REV1: variants seen among roughly 807,000 people sequenced by gnomAD.
The protein encoded by REV1 is translesion synthesis protein REV1.
A neutral mutation model predicts 137.4 loss-of-function variants in REV1; 42 were observed. That is an observed-to-expected ratio of 0.31 (90% confidence interval 0.24 to 0.40). The LOEUF is 0.40. Among genes scored for constraint, REV1 ranks in the 10% least tolerant of loss-of-function variants. The pLI is 1.00. For missense variants in REV1, 1,282 were observed against 1,490.1 expected (o/e 0.86, Z 2.30); for synonymous variants, 524 against 519.2 (o/e 1.01, Z -0.12).
At chr2:99,466,859 T>C (rs979513217) in intron 1 of REV1, among the ~76,000 whole-genome samples, 30 of 152,296 alleles carry the variant, frequency 2.0e-4, no homozygotes, top group Middle Eastern at 3.4e-3. Flanking sequence ...AAGTACCACA[T>C]GCTCTGTTAA....
At chr2:99,403,285 C>T in intron 19 of REV1, 179 bp from the exon 20 acceptor site, 1 of 608,118 alleles carries the variant, frequency 1.6e-6, no homozygotes, top group Middle Eastern at 4.4e-4. Context: ...CTCCAATTCT[C>T]TCTTTGCTTT....
chr2:99,485,193 C>T lies in REV1; in HGVS notation c.-11+4624G>A, dbSNP rs567791212. 8.5e-5 allele frequency among the ~76,000 whole-genome samples: 13 copies of T among 152,258 alleles called. 1 individual carries two copies. The South Asian group carries it at 2.7e-3, about 32-fold the overall frequency. On this transcript the variant is annotated intron_variant, in intron 1 of 22. Transcript: ENST00000258428. ...TGAATTTAAAATAACTGGTATTATG[C>T]AAGTTCAATTACCACAGGCAGAATC...
chr2:99,472,520 A>G lies in REV1; in HGVS notation c.-10-7535T>C, dbSNP rs562130798. ...AACAGTTAAAATGGTAAACTTTTATATGTATCGTACCACAATTAAGAAGAA... is the reference window on the plus strand; with the variant it reads ...AACAGTTAAAATGGTAAACTTTTATGTGTATCGTACCACAATTAAGAAGAA... On this transcript the variant is annotated intron_variant, in intron 1 of 22. Transcript: ENST00000258428. Among the ~76,000 whole-genome samples the G allele has an allele frequency of 5.3e-5, 8 of 152,334 alleles. No individual in the cohort carries two copies. In the East Asian group the frequency reaches 1.5e-3, roughly 29 times the overall value.
intron 9 of REV1, among the ~76,000 whole-genome samples, chr2:99,428,914 C>A (rs1323086201): frequency 6.6e-6 from 1 of 151,298 alleles, no homozygotes; most frequent in East Asian, 1.9e-4. Context: ...ATGGCATGAA[C>A]CTGGGAGGTG....
At chr2:99,451,242 A>T (rs1682889525) in intron 3 of REV1, 1 of 637,834 alleles carries the variant, frequency 1.6e-6, no homozygotes, top group Non-Finnish European at 2.1e-6. Context: ...TCCTAAACTA[A>T]TTCTATTTAA....
At chr2:99,445,059 T>C (rs1033164304) in intron 4 of REV1, among the ~76,000 whole-genome samples, 2 of 151,958 alleles carry the variant, frequency 1.3e-5, no homozygotes, top group African/African-American at 4.8e-5. Context: ...AACATAGTCA[T>C]AGCAAGTGAA....
At chr2:99,414,025 C>T (rs995895620) in intron 12 of REV1, among the ~76,000 whole-genome samples, 4 of 152,176 alleles carry the variant, frequency 2.6e-5, no homozygotes, top group East Asian at 1.9e-4. Flanking sequence ...TGTGGTGGTG[C>T]GCTCCTGTAG....
intron 13 of REV1, among the ~76,000 whole-genome samples, chr2:99,411,321 G>C (rs377655343): frequency 1.3e-5 from 2 of 151,782 alleles, no homozygotes; most frequent in African/African-American, 4.8e-5. Context: ...AAAACTGTTT[G>C]GTATACCCTC....
intron 1 of REV1, among the ~76,000 whole-genome samples, chr2:99,472,746 A>C (rs1685555833): frequency 6.6e-6 from 1 of 152,178 alleles, no homozygotes; most frequent in Non-Finnish European, 1.5e-5. Context: ...ATTTACAAGA[A>C]CCAGGTATTG....
chr2:99,412,218 G>GTT (rs1440787093), intron 13 of REV1, among the ~76,000 whole-genome samples: 5 of 121,402 alleles, frequency 4.1e-5, no homozygotes, highest in Admixed American at 1.0e-4. Flanking sequence ...GGGCAACAAA[G>GTT]TGAGACTCCA....
At position 99,406,411 on chromosome 2, in the gene REV1, C is replaced by G; in HGVS notation, c.2528G>C (p.Ser843Thr). ...TCPSRPSVQS[S>T]HFPSGSYSVR... Reference sequence around the variant, plus strand: ...AGAGTATGACCCACTAGGAAAGTGGCTTGACTGAACTGATGGGCGACTGGG... The same window carrying G: ...AGAGTATGACCCACTAGGAAAGTGGGTTGACTGAACTGATGGGCGACTGGG... The change falls in exon 16 of 23, where the codon AGC (serine) becomes ACC (threonine). Residue 843 changes from serine (S) to threonine (T), a missense_variant. Transcript: ENST00000258428. The G allele has an allele frequency of 6.2e-7, 1 of 1,613,838 alleles. No individual in the cohort carries two copies. Among genetic ancestry groups the G allele is most frequent in the Middle Eastern group, 1.6e-4 (1 of 6,062 alleles).
At chr2:99,441,654 T>G (rs914803461) in intron 5 of REV1, among the ~76,000 whole-genome samples, 1 of 152,190 alleles carries the variant, frequency 6.6e-6, no homozygotes, top group African/African-American at 2.4e-5. Flanking sequence ...AACAAAAATA[T>G]AGCTGGTGCA....
chr2:99,467,937 T>C (rs1253508063), intron 1 of REV1, among the ~76,000 whole-genome samples: 2 of 152,096 alleles, frequency 1.3e-5, no homozygotes, highest in Non-Finnish European at 2.9e-5. Flanking sequence ...TCCCAGCACT[T>C]TGGGAGGCCG....
At chr2:99,483,353 T>C (rs1282202071) in intron 1 of REV1, among the ~76,000 whole-genome samples, 2 of 152,234 alleles carry the variant, frequency 1.3e-5, no homozygotes, top group Non-Finnish European at 2.9e-5. Flanking sequence ...CATTATTTTG[T>C]GACTAAACCT....
intron 1 of REV1, among the ~76,000 whole-genome samples, chr2:99,469,948 C>T (rs1020319750): frequency 2.0e-5 from 3 of 151,796 alleles, no homozygotes; most frequent in East Asian, 1.9e-4. Flanking sequence ...GGTGAAACCC[C>T]GTCTCTACTA....
chr2:99,455,766 T>C (rs1413157324), intron 3 of REV1, among the ~76,000 whole-genome samples: 1 of 152,242 alleles, frequency 6.6e-6, no homozygotes, highest in African/African-American at 2.4e-5. Flanking sequence ...TTTGTATGTT[T>C]AGAAAACATC....
At chr2:99,462,669 C>G in intron 2 of REV1, 47 bp from the exon 3 acceptor site, 1 of 1,568,270 alleles carries the variant, frequency 6.4e-7, no homozygotes, top group Non-Finnish European at 8.6e-7. Flanking sequence ...TACATTTTCT[C>G]CCCCCTTTTT....
At chr2:99,401,765 G>T (rs1021215380) in intron 22 of REV1, among the ~76,000 whole-genome samples, 73 of 152,002 alleles carry the variant, frequency 4.8e-4, no homozygotes, top group African/African-American at 1.7e-3. Flanking sequence ...TAAAATCCTA[G>T]AACACTCAAA....
At chr2:99,401,537 A>AG (rs1306877034) in intron 22 of REV1, among the ~76,000 whole-genome samples, 185 bp from the exon 23 acceptor site, 3 of 151,816 alleles carry the variant, frequency 2.0e-5, no homozygotes, top group Admixed American at 1.3e-4. Flanking sequence ...ACCTGAGGTC[A>AG]GGAGTTTGAG....
Sources: allele counts gnomAD v4.1 joint callset (sites outside exome capture counted in the v4.1 genomes callset), GRCh38; gene constraint gnomAD v4.1.1; transcripts MANE v1.5; gene names NCBI Gene and HGNC (gene_info 2026-07-23, HGNC 2026-07-21).